Variants in ZNF521 observed in about 807,000 individuals in gnomAD.
ZNF521 encodes the protein zinc finger protein 521, also known as LYST-interacting protein 3.
Under a neutral mutation model 105.5 loss-of-function variants are expected in ZNF521, and 14 were observed. That is an observed-to-expected ratio of 0.13 (90% CI 0.09 to 0.21). The LOEUF is 0.21. Among genes scored for constraint, ZNF521 ranks in the 10% least tolerant of loss-of-function variants. The pLI is 1.00. For synonymous variants in ZNF521, 635 were observed against 606.0 expected (o/e 1.05, Z -0.70); for missense variants, 1,233 against 1,629.7 (o/e 0.76, Z 4.19).
At chr18:25,097,071 C>A (rs1385578769) in intron 5 of ZNF521, among the ~76,000 whole-genome samples, 3 of 152,132 alleles carry the variant, frequency 2.0e-5, no homozygotes, top group African/African-American at 7.2e-5. Context: ...GAGTTAATTT[C>A]CAAGCACACA....
intron 5 of ZNF521, among the ~76,000 whole-genome samples, chr18:25,120,860 A>G (rs1004404242): frequency 2.0e-5 from 3 of 152,110 alleles, no homozygotes; most frequent in Admixed American, 6.6e-5. Flanking sequence ...TTCTCATTAC[A>G]GTCACTTTCA....
intron 1 of ZNF521, chr18:25,351,460 C>G (rs1298281238): frequency 6.7e-6 from 1 of 149,400 alleles, no homozygotes; most frequent in Non-Finnish European, 1.5e-5. Context: ...AAATCCGCCC[C>G]CCCCCCCACC....
chr18:25,092,163 T>C, intron 5 of ZNF521, 82 bp from the exon 6 acceptor site: 5 of 1,498,996 alleles, frequency 3.3e-6, no homozygotes, highest in Non-Finnish European at 4.6e-6. Flanking sequence ...TAATTGCATA[T>C]ATTAAACTAT....
chr18:25,168,771 T>A (rs2035394743), intron 5 of ZNF521, among the ~76,000 whole-genome samples: 1 of 152,202 alleles, frequency 6.6e-6, no homozygotes, highest in African/African-American at 2.4e-5. Context: ...GTACCTTCCT[T>A]GACATATACA....
intron 2 of ZNF521, among the ~76,000 whole-genome samples, chr18:25,332,967 C>T (rs1438736409): frequency 6.6e-6 from 1 of 152,000 alleles, no homozygotes; most frequent in Admixed American, 6.6e-5. Flanking sequence ...TGTGTTCCCA[C>T]TTATATTGTC....
intron 3 of ZNF521, among the ~76,000 whole-genome samples, chr18:25,238,624 T>C (rs1907091886): frequency 6.6e-6 from 1 of 152,220 alleles, no homozygotes; most frequent in African/African-American, 2.4e-5. Context: ...ACATATTCCC[T>C]GCCACTGATT....
intron 3 of ZNF521, among the ~76,000 whole-genome samples, chr18:25,287,500 G>C (rs1194624991): frequency 1.3e-5 from 2 of 151,790 alleles, no homozygotes; most frequent in Non-Finnish European, 2.9e-5. Flanking sequence ...TATTGATCCC[G>C]GTGTGACAAA....
At chr18:25,177,995 A>G (rs1399339792) in intron 5 of ZNF521, among the ~76,000 whole-genome samples, 3 of 152,212 alleles carry the variant, frequency 2.0e-5, no homozygotes, top group Non-Finnish European at 2.9e-5. Flanking sequence ...TTAACATAAA[A>G]GAGTGTTCTT....
chr18:25,229,225 C>T (rs1600184057), intron 3 of ZNF521, among the ~76,000 whole-genome samples: 1 of 152,204 alleles, frequency 6.6e-6, no homozygotes, highest in African/African-American at 2.4e-5. Context: ...TCCTTATCCA[C>T]AGGAAACAGA....
chr18:25,090,672 T>C (rs572466875), intron 6 of ZNF521, among the ~76,000 whole-genome samples: 16 of 152,366 alleles, frequency 1.1e-4, no homozygotes, highest in African/African-American at 3.8e-4. Flanking sequence ...TTTACATAGA[T>C]TTGCAGCTAA....
intron 5 of ZNF521, among the ~76,000 whole-genome samples, chr18:25,178,471 C>T (rs1310800727): frequency 6.6e-6 from 1 of 152,164 alleles, no homozygotes; most frequent in East Asian, 1.9e-4. Flanking sequence ...CATTTTTATG[C>T]TGCTCATTCA....
rs79328192 is a variant in ZNF521, at chr18:25,210,568, C to T, written c.3573+13777G>A. On this transcript the variant is annotated intron_variant, in intron 4 of 7. Transcript: ENST00000361524. Reference sequence around the variant, plus strand: ...AAGTGCATAGTATATCACATACTTACGAGGTGTCTAATGTTCTATTCATGT... The same window carrying T: ...AAGTGCATAGTATATCACATACTTATGAGGTGTCTAATGTTCTATTCATGT... 5.8e-3 allele frequency among the ~76,000 whole-genome samples: 881 copies of T among 152,290 alleles called. 7 individuals carry two copies. The highest frequency in any genetic ancestry group is 0.02 in the African/African-American group (814 of 41,540).
At chr18:25,082,620 G>C in intron 7 of ZNF521, 1 of 431,370 alleles carries the variant, frequency 2.3e-6, no homozygotes, top group Non-Finnish European at 4.6e-6. Context: ...TGGATTGCCT[G>C]AGCTCAGGGG....
intron 3 of ZNF521, among the ~76,000 whole-genome samples, chr18:25,259,566 A>G (rs1187885032): frequency 6.6e-6 from 1 of 152,144 alleles, no homozygotes; most frequent in Non-Finnish European, 1.5e-5. Context: ...AAGGGAGTAG[A>G]GAGGAAAACA....
At chr18:25,234,123 T>A (rs780588982) in intron 3 of ZNF521, among the ~76,000 whole-genome samples, 1 of 152,108 alleles carries the variant, frequency 6.6e-6, no homozygotes, top group Non-Finnish European at 1.5e-5. Context: ...GGGGTGAGAA[T>A]TGCTTTTCTT....
At chr18:25,272,036 G>A (rs1041768481) in intron 3 of ZNF521, among the ~76,000 whole-genome samples, 10 of 152,052 alleles carry the variant, frequency 6.6e-5, no homozygotes, top group African/African-American at 2.4e-4. Context: ...CTAATATCCT[G>A]AATCTACAAA....
chr18:25,241,590 C>T (rs1410219388), intron 3 of ZNF521, among the ~76,000 whole-genome samples: 2 of 152,084 alleles, frequency 1.3e-5, no homozygotes, highest in Non-Finnish European at 2.9e-5. Context: ...TGAATGTAAA[C>T]TCACCAAGAA....
At chr18:25,202,227 T>C (rs561365378) in intron 4 of ZNF521, 5 of 152,322 alleles carry the variant, frequency 3.3e-5, no homozygotes, top group African/African-American at 9.6e-5. Flanking sequence ...TGGCCCTCCA[T>C]ATTTGTGGAT....
rs1316402030 is a variant in ZNF521 at position 25,227,944 on chromosome 18, T to C, written c.221-247A>G. On this transcript the variant is annotated intron_variant, in intron 3 of 7. Coordinates refer to ENST00000361524, the MANE Select transcript of ZNF521 (RefSeq NM_015461.3). The surrounding 1 kb of genome is among the most constrained non-coding windows in gnomAD (Gnocchi z 5.7). ...AAATAGTTCTATGTCTAAATTACCC[T>C]TTTATTACTTTTTATCATTCTTCCT... 1.3e-5 allele frequency among the ~76,000 whole-genome samples: 2 copies of C among 152,242 alleles called. No individual in the cohort carries two copies. The highest frequency in any genetic ancestry group is 6.5e-5 in the Admixed American group (1 of 15,286).
Sources: allele counts gnomAD v4.1 joint callset (sites outside exome capture counted in the v4.1 genomes callset), GRCh38; gene constraint gnomAD v4.1.1; non-coding constraint Gnocchi (gnomAD v3.1); transcripts MANE v1.5; gene names NCBI Gene and HGNC (gene_info 2026-07-23, HGNC 2026-07-21).